CNGB3: variants seen among roughly 807,000 people sequenced by gnomAD.
The protein encoded by CNGB3 is cyclic nucleotide-gated channel beta-3.
A neutral mutation model predicts 92.8 loss-of-function variants in CNGB3; 86 were observed. The observed-to-expected ratio is 0.93, with a 90% CI of 0.78 to 1.11. CNGB3 has a LOEUF of 1.11. Among genes scored for constraint, CNGB3 ranks in the 50% least tolerant of loss-of-function variants. The probability of loss-of-function intolerance (pLI) is 0.00; values close to 1 mark genes in which losing one functional copy is unlikely to be tolerated. For synonymous variants in CNGB3, 333 were observed against 332.7 expected (o/e 1.00, Z -0.01); for missense variants, 1,026 against 956.8 (o/e 1.07, Z -0.95).
intron 7 of CNGB3, among the ~76,000 whole-genome samples, chr8:86,648,285 G>A (rs2044009): frequency 0.11 from 16,357 of 151,072 alleles, 1,064 homozygotes; most frequent in Admixed American, 0.21. Context: ...TACTTTCATT[G>A]TAGTGATATA....
intron 7 of CNGB3, among the ~76,000 whole-genome samples, chr8:86,651,293 CAA>C (rs1823399170): frequency 6.6e-6 from 1 of 151,624 alleles, no homozygotes; most frequent in African/African-American, 2.4e-5. Flanking sequence ...ACTTGTACCC[CAA>C]AAGCATAGAG....
At chr8:86,691,900 T>C (rs1824325461) in intron 3 of CNGB3, among the ~76,000 whole-genome samples, 1 of 152,280 alleles carries the variant, frequency 6.6e-6, no homozygotes, top group East Asian at 1.9e-4. Flanking sequence ...TTTTGCTGTA[T>C]CCAAGAGGTT....
intron 1 of CNGB3, among the ~76,000 whole-genome samples, chr8:86,740,121 C>T (rs1825316236): frequency 1.3e-5 from 2 of 152,200 alleles, no homozygotes; most frequent in Non-Finnish European, 1.5e-5. Context: ...ATTTCATGTG[C>T]TTCTGCCTCA....
In CNGB3 at chr8:86,630,058, T is replaced by C. The variant is rs753193733; in HGVS notation, c.1321-980A>G. Among the ~76,000 whole-genome samples, 41 of 152,190 alleles carry C rather than the reference T, an allele frequency of 2.7e-4. 1 individual carries two copies. The highest frequency in any genetic ancestry group is 3.2e-3 in the Middle Eastern group (1 of 316). ...TAGCTCAAATGGCTCTTTTTAATTG[T>C]GATGCCCTCCTCAGTTTCCATTTTT... On this transcript the variant is annotated intron_variant, in intron 11 of 17. Transcript: ENST00000320005.
intron 17 of CNGB3, among the ~76,000 whole-genome samples, chr8:86,577,126 A>G (rs540634810): frequency 2.6e-3 from 358 of 138,284 alleles, no homozygotes; most frequent in African/African-American, 5.1e-3. Flanking sequence ...TATGAAACCA[A>G]AAAAAAAGAG....
chr8:86,575,475 A>G lies in CNGB3; in HGVS notation c.*329T>C. The G allele has an allele frequency of 4.2e-6, 1 of 235,300 alleles. No individual in the cohort carries two copies. The highest frequency in any genetic ancestry group is 8.2e-6 in the Non-Finnish European group (1 of 122,492). The allele number at this position is 235,300 out of a possible 1,614,324, so 14.6% of individuals were successfully genotyped here. On this transcript the variant is annotated 3_prime_UTR_variant, in exon 18 of 18. Transcript: ENST00000320005. The stretch of plus-strand genomic sequence containing the variant: ...TTAAGAGAAAAGGTTAGTGAATCAC[A>G]TCACAGCCAAGAGCAAGCTAATAAA...
chr8:86,634,338 T>C (rs1197447658), intron 10 of CNGB3, among the ~76,000 whole-genome samples: 1 of 152,212 alleles, frequency 6.6e-6, no homozygotes, highest in Non-Finnish European at 1.5e-5. Flanking sequence ...CTAACATAAT[T>C]GTTCTGTGCA....
chr8:86,693,439 AT>A (rs879885300), intron 3 of CNGB3, among the ~76,000 whole-genome samples: 21,758 of 146,688 alleles, frequency 0.15, 1,682 homozygotes, highest in African/African-American at 0.19. Flanking sequence ...ATTATTATTT[AT>A]TTATTTATTT....
intron 3 of CNGB3, among the ~76,000 whole-genome samples, chr8:86,697,744 A>T (rs959141831): frequency 2.6e-5 from 4 of 152,056 alleles, no homozygotes; most frequent in Non-Finnish European, 4.4e-5. Context: ...TGCACCTGTT[A>T]ACTCATCATT....
At chr8:86,728,640 G>T (rs1227577516) in intron 2 of CNGB3, among the ~76,000 whole-genome samples, 2 of 152,098 alleles carry the variant, frequency 1.3e-5, no homozygotes, top group Non-Finnish European at 2.9e-5. Flanking sequence ...GATGTCTAGT[G>T]CATTTTTCAT....
chr8:86,684,487 A>G (rs1023458534), intron 3 of CNGB3, among the ~76,000 whole-genome samples: 2 of 151,976 alleles, frequency 1.3e-5, no homozygotes, highest in African/African-American at 4.8e-5. Flanking sequence ...CTATAATTGT[A>G]CTCCTGGGTA....
chr8:86,699,916 C>A (rs1824520380), intron 3 of CNGB3, among the ~76,000 whole-genome samples: 1 of 151,888 alleles, frequency 6.6e-6, no homozygotes. Context: ...CCTTCCCATC[C>A]TCCCTTCCTT....
intron 10 of CNGB3, among the ~76,000 whole-genome samples, chr8:86,634,174 A>G (rs1823018728): frequency 6.6e-6 from 1 of 152,228 alleles, no homozygotes; most frequent in South Asian, 2.1e-4. Flanking sequence ...ATGATGGCAT[A>G]AAAGCAATAT....
intron 14 of CNGB3, among the ~76,000 whole-genome samples, chr8:86,605,911 T>A (rs945846026): frequency 9.2e-5 from 14 of 152,222 alleles, no homozygotes; most frequent in African/African-American, 3.4e-4. Context: ...GCTGAAATTC[T>A]TATTTTATCT....
rs559697205 is a variant in CNGB3 at position 86,669,608 on chromosome 8, A to C, written c.493+1336T>G. ...CAATATATCTTTATCGAAGTATAATAACTATGATTTCTTTTAGCCTCTTCT... is the reference window on the plus strand; with the variant it reads ...CAATATATCTTTATCGAAGTATAATCACTATGATTTCTTTTAGCCTCTTCT... On this transcript the variant is annotated intron_variant, in intron 4 of 17. Transcript: ENST00000320005. Among the ~76,000 whole-genome samples the C allele has an allele frequency of 2.0e-5, 3 of 152,336 alleles. No homozygotes were observed. The South Asian group carries it at 6.2e-4, about 32-fold the overall frequency.
At chr8:86,670,330 T>C (rs1046314556) in intron 4 of CNGB3, among the ~76,000 whole-genome samples, 4 of 152,198 alleles carry the variant, frequency 2.6e-5, no homozygotes, top group African/African-American at 4.8e-5. Flanking sequence ...AAATTTGTTA[T>C]AGAAGATACT....
At chr8:86,618,437 T>A (rs1433360863) in intron 13 of CNGB3, among the ~76,000 whole-genome samples, 1 of 152,250 alleles carries the variant, frequency 6.6e-6, no homozygotes, top group Non-Finnish European at 1.5e-5. Flanking sequence ...ATTTACTATA[T>A]GCCAGGTACT....
rs533723262 is a variant in CNGB3, at chr8:86,699,857, G to A, written c.338+26674C>T. Among the ~76,000 whole-genome samples, 7 of 152,260 alleles carry A rather than the reference G, an allele frequency of 4.6e-5. No homozygotes were observed. In the South Asian group the frequency reaches 1.5e-3, roughly 32 times the overall value. On this transcript the variant is annotated intron_variant, in intron 3 of 17. Transcript: ENST00000320005. ...TCTTCTTAGCCTCCCTAAGAGGAGA[G>A]ACAATTGGAATCTAAAATACAGTTT...
intron 14 of CNGB3, among the ~76,000 whole-genome samples, chr8:86,607,945 C>A (rs1822443021): frequency 6.6e-6 from 1 of 152,198 alleles, no homozygotes; most frequent in Non-Finnish European, 1.5e-5. Flanking sequence ...AACAGCCTTT[C>A]TTCTCTGTCA....
Sources: allele counts gnomAD v4.1 joint callset (sites outside exome capture counted in the v4.1 genomes callset), GRCh38; gene constraint gnomAD v4.1.1; transcripts MANE v1.5; gene names NCBI Gene and HGNC (gene_info 2026-07-23, HGNC 2026-07-21).